TSHZ2: variants seen among roughly 807,000 people sequenced by gnomAD.
TSHZ2 encodes teashirt zinc finger homeobox 2.
TSHZ2 carries 21 observed loss-of-function variants against 74.4 expected under a neutral mutation model. That is an observed-to-expected ratio of 0.28 (90% CI 0.20 to 0.41). The LOEUF (loss-of-function observed/expected upper bound fraction) is 0.41. Ranked by LOEUF, TSHZ2 falls within the 10% of genes least tolerant of loss-of-function variation. The pLI, the probability that TSHZ2 is intolerant of heterozygous loss-of-function variation, is 1.00. For missense variants in TSHZ2, 1,244 were observed against 1,293.5 expected, an observed-to-expected ratio of 0.96 and a Z score of 0.59; for synonymous variants, 540 against 515.3, an observed-to-expected ratio of 1.05 and a Z score of -0.65.
intron 1 of TSHZ2, among the ~76,000 whole-genome samples, chr20:53,044,043 A>C (rs116401984): frequency 0.011 from 1,733 of 152,300 alleles, 30 homozygotes; most frequent in African/African-American, 0.04. Context: ...TCCGAACAGA[A>C]ATACTTCCTG....
intron 1 of TSHZ2, among the ~76,000 whole-genome samples, chr20:53,052,228 G>A (rs527500376): frequency 2.0e-5 from 3 of 152,168 alleles, no homozygotes; most frequent in African/African-American, 7.2e-5. Flanking sequence ...GTAGAATCAC[G>A]CCACAGTTGT....
intron 1 of TSHZ2, among the ~76,000 whole-genome samples, chr20:53,089,076 C>T (rs868135564): frequency 1.6e-4 from 25 of 152,040 alleles, no homozygotes; most frequent in African/African-American, 4.6e-4. Flanking sequence ...TCGCCCCTGG[C>T]GCTCCGCAAT....
intron 2 of TSHZ2, among the ~76,000 whole-genome samples, chr20:53,471,848 C>G (rs1217504374): frequency 6.7e-6 from 1 of 149,316 alleles, no homozygotes; most frequent in Non-Finnish European, 1.5e-5. Flanking sequence ...CTCTTGTTGC[C>G]CAGGCTGGAG....
chr20:53,237,779 T>A (rs1008643453), intron 1 of TSHZ2, among the ~76,000 whole-genome samples: 3 of 152,166 alleles, frequency 2.0e-5, no homozygotes, highest in Non-Finnish European at 4.4e-5. Flanking sequence ...TTAAAGCAGA[T>A]TTTTGACCCA....
intron 1 of TSHZ2, among the ~76,000 whole-genome samples, chr20:53,160,420 G>A (rs1412670492): frequency 6.6e-6 from 1 of 152,054 alleles, no homozygotes; most frequent in African/African-American, 2.4e-5. Context: ...TTCAGTTCAG[G>A]CATTTACAGT....
chr20:53,405,683 A>C (rs1019706115), intron 2 of TSHZ2, among the ~76,000 whole-genome samples: 1 of 152,218 alleles, frequency 6.6e-6, no homozygotes, highest in African/African-American at 2.4e-5. Context: ...AGAGGAAAAG[A>C]TAGCAGAACA....
intron 1 of TSHZ2, among the ~76,000 whole-genome samples, chr20:53,072,885 CCATT>C (rs1476517237): frequency 4.6e-5 from 7 of 152,160 alleles, no homozygotes; most frequent in Non-Finnish European, 1.0e-4. Flanking sequence ...ATCCATCAAT[CCATT>C]CATTCAATCC....
chr20:53,010,577 G>A (rs939093395), intron 1 of TSHZ2, among the ~76,000 whole-genome samples: 9 of 151,862 alleles, frequency 5.9e-5, no homozygotes, highest in Admixed American at 5.9e-4. Context: ...AACTAGATTG[G>A]AAACAAAACA....
Position 53,323,761 on chromosome 20 carries a change from A to T in TSHZ2, c.*8+67190A>T, listed in dbSNP as rs1261508706. Among the ~76,000 whole-genome samples, 4 of 151,856 alleles carry T rather than the reference A, an allele frequency of 2.6e-5. No individual in the cohort carries two copies. The East Asian group carries it at 7.7e-4, about 29-fold the overall frequency. On this transcript the variant is annotated intron_variant, in intron 2 of 2. Transcript: ENST00000371497. ...CAGCTAATTTTTTTGTCTTTTTAGTAGAGACAGGTTTTCACCATGTTGGCC... is the reference window on the plus strand; with the variant it reads ...CAGCTAATTTTTTTGTCTTTTTAGTTGAGACAGGTTTTCACCATGTTGGCC...
chr20:53,386,327 C>T (rs989924072), intron 2 of TSHZ2, among the ~76,000 whole-genome samples: 1 of 152,242 alleles, frequency 6.6e-6, no homozygotes, highest in African/African-American at 2.4e-5. Flanking sequence ...TTCTTCTACT[C>T]AGCGGAATGA....
In TSHZ2 at chr20:53,315,493, GGTT is replaced by G. The variant is rs546680872; in HGVS notation, c.*8+58928_*8+58930del. On this transcript the variant is annotated intron_variant, in intron 2 of 2. Coordinates refer to ENST00000371497, the MANE Select transcript of TSHZ2 (RefSeq NM_173485.6). ...TTTGTGTATAGGCGTGCTTGCCTTT[GGTT>G]GTTGTCAAAATTCTTTGAAAGTGTT... Among the ~76,000 whole-genome samples the G allele has an allele frequency of 5.9e-5, 9 of 152,290 alleles. No homozygotes were observed. In the South Asian group the frequency reaches 1.9e-3, roughly 32 times the overall value.
At chr20:53,388,575 C>T (rs1982135130) in intron 2 of TSHZ2, among the ~76,000 whole-genome samples, 1 of 151,578 alleles carries the variant, frequency 6.6e-6, no homozygotes, top group South Asian at 2.1e-4. Flanking sequence ...TCTTCTTCTA[C>T]TTTTCTTTTT....
At chr20:53,426,455 C>T (rs1568912306) in intron 2 of TSHZ2, among the ~76,000 whole-genome samples, 2 of 152,038 alleles carry the variant, frequency 1.3e-5, no homozygotes, top group Non-Finnish European at 2.9e-5. Flanking sequence ...TCTTCTTCCT[C>T]TTCTTCTTTT....
At chr20:53,217,493 T>A (rs1989464003) in intron 1 of TSHZ2, among the ~76,000 whole-genome samples, 1 of 151,956 alleles carries the variant, frequency 6.6e-6, no homozygotes, top group African/African-American at 2.4e-5. Context: ...CCGTTGCACA[T>A]CACTTAATTT....
chr20:53,393,540 GGTACCAAACACATT>G (rs1982337224), intron 2 of TSHZ2, among the ~76,000 whole-genome samples: 2 of 152,046 alleles, frequency 1.3e-5, no homozygotes, highest in African/African-American at 4.8e-5. Context: ...TAACATAGTA[GGTACCAAACACATT>G]GTACCTGTTA....
At chr20:53,338,864 T>G (rs1980063712) in intron 2 of TSHZ2, among the ~76,000 whole-genome samples, 1 of 152,016 alleles carries the variant, frequency 6.6e-6, no homozygotes, top group Admixed American at 6.6e-5. Context: ...TTCATGAGGG[T>G]CAGATGAGGC....
At chr20:53,402,879 G>C (rs1440144425) in intron 2 of TSHZ2, among the ~76,000 whole-genome samples, 1 of 152,202 alleles carries the variant, frequency 6.6e-6, no homozygotes, top group Non-Finnish European at 1.5e-5. Flanking sequence ...TGATTCTGCA[G>C]CCTGTTCTCC....
chr20:53,477,746 T>C, intron 2 of TSHZ2, among the ~76,000 whole-genome samples: 1 of 126,950 alleles, frequency 7.9e-6, no homozygotes, highest in Non-Finnish European at 1.6e-5. Flanking sequence ...GGGAGAAAAT[T>C]TTCACAACCT....
intron 1 of TSHZ2, among the ~76,000 whole-genome samples, chr20:53,133,229 G>C (rs1987154895): frequency 6.6e-6 from 1 of 152,128 alleles, no homozygotes; most frequent in East Asian, 1.9e-4. Flanking sequence ...GCTTCTACAT[G>C]ATCCCCATTT....
Sources: gnomAD v4.1 joint callset for allele counts (sites outside exome capture counted in the v4.1 genomes callset) on GRCh38, gnomAD v4.1.1 for gene constraint, MANE v1.5 for transcripts, NCBI Gene and HGNC (gene_info 2026-07-23, HGNC 2026-07-21) for gene names.